The following SGSM2 variants were observed in gnomAD, a reference collection of about 807,000 sequenced individuals.
SGSM2 encodes the protein RUN and TBC1 domain containing 1.
A neutral mutation model predicts 126.6 loss-of-function variants in SGSM2; 89 were observed. That is an observed-to-expected ratio of 0.70 (90% CI 0.59 to 0.84). The LOEUF (loss-of-function observed/expected upper bound fraction) is 0.84. Ranked by LOEUF, SGSM2 falls within the 40% of genes least tolerant of loss-of-function variation. The pLI, the probability that SGSM2 is intolerant of heterozygous loss-of-function variation, is 0.00. For missense variants in SGSM2, 1,404 were observed against 1,416.6 expected, an observed-to-expected ratio of 0.99 and a Z score of 0.14; for synonymous variants, 614 against 574.3, an observed-to-expected ratio of 1.07 and a Z score of -0.99.
chr17:2,338,589 A>G (rs887450634), intron 1 of SGSM2, among the ~76,000 whole-genome samples: 2 of 152,034 alleles, frequency 1.3e-5, no homozygotes, highest in Non-Finnish European at 2.9e-5. Flanking sequence ...CCACCAGGGC[A>G]GGAGACCCTC....
Position 2,363,353 on chromosome 17 carries a change from C to G in SGSM2, c.673-112C>G. The stretch of plus-strand genomic sequence containing the variant: ...GAGGGTGGCTGGGAGTAAACCGGGG[C>G]AGGAAGGACCCCTGGGGTCAGCTGG... On this transcript the variant is annotated intron_variant, in intron 6 of 23. Coordinates refer to ENST00000268989, the MANE Select transcript of SGSM2 (RefSeq NM_014853.3). The surrounding 1 kb of genome is among the most constrained non-coding windows in gnomAD (Gnocchi z 4.2). The G allele has an allele frequency of 6.6e-7, 1 of 1,516,032 alleles. No individual in the cohort carries two copies. 93.9% of individuals were successfully genotyped at this position (1,516,032 alleles called of 1,614,324 possible).
Position 2,363,897 on chromosome 17 carries a change from C to G in SGSM2, c.808-162C>G, listed in dbSNP as rs1057197161. 2.3e-6 allele frequency: 2 copies of G among 879,238 alleles called. No individual in the cohort carries two copies. The highest frequency in any genetic ancestry group is 1.7e-6 in the Non-Finnish European group (1 of 576,566). 54.5% of individuals were successfully genotyped at this position (879,238 alleles called of 1,614,324 possible). A position where few individuals can be genotyped will look rare whatever the true frequency, so the allele number is the denominator to read the frequency against. On this transcript the variant is annotated intron_variant, in intron 7 of 23. Coordinates refer to ENST00000268989, the MANE Select transcript of SGSM2 (RefSeq NM_014853.3). The surrounding 1 kb of genome is among the most constrained non-coding windows in gnomAD (Gnocchi z 4.2). ...AGTGGCACCAGGCTGACCAGGGAAA[C>G]TGAGTCCTGTTTTCCTGTGCTTCTG... is the stretch of plus-strand genomic sequence containing the variant.
chr17:2,362,357 A>G lies in SGSM2; in HGVS notation c.458+87A>G, dbSNP rs1158391280. On this transcript the variant is annotated intron_variant, in intron 4 of 23. Coordinates refer to ENST00000268989, the MANE Select transcript of SGSM2 (RefSeq NM_014853.3). This position sits in a 1 kb window ranked among gnomAD's most constrained non-coding sequence, Gnocchi z 4.9. ...GACCGCCCCGTTCCCCAAAAACTGC[A>G]GGTGACCGCCCCGTTCCCCAAAAAC... 1 of 1,398,642 alleles carries G rather than the reference A, an allele frequency of 7.1e-7. No homozygotes were observed. Among genetic ancestry groups the G allele is most frequent in the South Asian group, 1.4e-5 (1 of 73,784 alleles). The allele number at this position is 1,398,642 out of a possible 1,614,324, so 86.6% of individuals were successfully genotyped here. A position where few individuals can be genotyped will look rare whatever the true frequency, so the allele number is the denominator to read the frequency against.
At chr17:2,376,619 G>C (rs565933989) in intron 19 of SGSM2, 114 bp from the exon 20 acceptor site, 240 of 1,135,700 alleles carry the variant, frequency 2.1e-4, no homozygotes, top group Non-Finnish European at 1.9e-4. Flanking sequence ...ATGCCTTAGG[G>C]TCGTGGAAAG....
At chr17:2,342,473 G>A (rs1442353716) in intron 1 of SGSM2, among the ~76,000 whole-genome samples, 1 of 151,964 alleles carries the variant, frequency 6.6e-6, no homozygotes, top group African/African-American at 2.4e-5. Flanking sequence ...CTGTCGTGTT[G>A]GAATCAGGAG....
At chr17:2,371,924 C>T (rs2065889871) in intron 13 of SGSM2, 1 of 521,772 alleles carries the variant, frequency 1.9e-6, no homozygotes, top group Admixed American at 3.5e-5. Context: ...CTCCATTTTT[C>T]ACATGAGGAA....
intron 20 of SGSM2, 43 bp from the exon 21 acceptor site, chr17:2,376,916 C>T (rs768052040): frequency 1.1e-5 from 18 of 1,601,126 alleles, no homozygotes; most frequent in Admixed American, 6.7e-5. Flanking sequence ...GCTCTGTCCC[C>T]TGCGTCTCCT....
intron 13 of SGSM2, 79 bp downstream of exon 13, chr17:2,371,494 G>A (rs2065870211): frequency 6.7e-7 from 1 of 1,486,308 alleles, no homozygotes; most frequent in Non-Finnish European, 9.0e-7. Context: ...TAAAGGCCGT[G>A]TCACCTGCAC....
rs1040859724 is a variant in SGSM2 at position 2,367,149 on chromosome 17, C to T, written c.1289-122C>T. ...GCTTTCTGGTCCCCTCCCTTCCCCT[C>T]TTCTGTGCCCTGCAGATTCACGATG... On this transcript the variant is annotated intron_variant, in intron 11 of 23. Transcript: ENST00000268989. The surrounding 1 kb of genome is among the most constrained non-coding windows in gnomAD (Gnocchi z 4.0). 2.5e-6 allele frequency: 3 copies of T among 1,176,502 alleles called. No individual in the cohort carries two copies. Among genetic ancestry groups the T allele is most frequent in the Non-Finnish European group, 3.5e-6 (3 of 854,494 alleles). 72.9% of individuals were successfully genotyped at this position (1,176,502 alleles called of 1,614,324 possible). A position where few individuals can be genotyped will look rare whatever the true frequency, so the allele number is the denominator to read the frequency against.
intron 2 of SGSM2, among the ~76,000 whole-genome samples, chr17:2,359,909 G>A (rs1311918873): frequency 1.3e-5 from 2 of 152,152 alleles, no homozygotes; most frequent in Admixed American, 6.5e-5. Context: ...CCACAGGCAC[G>A]GAATTGTAGC....
Position 2,379,916 on chromosome 17 carries a change from G to C in SGSM2, c.*396G>C. 2 of 1,302,016 alleles carry C rather than the reference G, an allele frequency of 1.5e-6. No homozygotes were observed. Among genetic ancestry groups the C allele is most frequent in the Non-Finnish European group, 2.0e-6 (2 of 1,020,870 alleles). The allele number at this position is 1,302,016 out of a possible 1,614,324, so 80.7% of individuals were successfully genotyped here. A position where few individuals can be genotyped will look rare whatever the true frequency, so the allele number is the denominator to read the frequency against. ...GGCCCTACTCAGCTGGGGTGGCAGA[G>C]GGCGAGAGGCTCTGTGCTGTGTCCC... On this transcript the variant is annotated 3_prime_UTR_variant, in exon 24 of 24. Transcript: ENST00000268989.
At chr17:2,361,892 C>T in intron 3 of SGSM2, 93 bp downstream of exon 3, 1 of 1,469,482 alleles carries the variant, frequency 6.8e-7, no homozygotes, top group Non-Finnish European at 9.1e-7. Flanking sequence ...AGTTGGCATC[C>T]TGGGCCTGTT....
Position 2,377,014 on chromosome 17 carries a change from C to T in SGSM2, c.2748C>T (p.Phe916=), listed in dbSNP as rs944981050. Reference sequence around the variant, plus strand: ...TCATGAAGAGGATGAGCCAGAACTTCCCCAACGGGGGTGCCATGGACACCC... The same window carrying T: ...TCATGAAGAGGATGAGCCAGAACTTTCCCAACGGGGGTGCCATGGACACCC... The part of the protein sequence containing the change: ...SHLMKRMSQN[F]PNGGAMDTHF... Residue 916 remains phenylalanine (F), a synonymous_variant, in exon 21 of 24, where the codon TTC becomes TTT. Transcript: ENST00000268989. 6.2e-7 allele frequency: 1 copy of T among 1,613,802 alleles called. No homozygotes were observed. The highest frequency in any genetic ancestry group is 1.3e-5 in the African/African-American group (1 of 74,934).
chr17:2,367,199 T>C lies in SGSM2; in HGVS notation c.1289-72T>C. 1 of 1,510,026 alleles carries C rather than the reference T, an allele frequency of 6.6e-7. No homozygotes were observed. Among genetic ancestry groups the C allele is most frequent in the Non-Finnish European group, 8.9e-7 (1 of 1,121,270 alleles). The allele number at this position is 1,510,026 out of a possible 1,614,324, so 93.5% of individuals were successfully genotyped here. A position where few individuals can be genotyped will look rare whatever the true frequency, so the allele number is the denominator to read the frequency against. ...GACCCCGGCCTCCATTCCACTCCCC[T>C]TAAGGAGGGAGTCCGTCCTGCCCAG... is the stretch of plus-strand genomic sequence containing the variant. On this transcript the variant is annotated intron_variant, in intron 11 of 23. Transcript: ENST00000268989. This position sits in a 1 kb window ranked among gnomAD's most constrained non-coding sequence, Gnocchi z 4.0.
At chr17:2,378,734 A>G (rs1482631860) in intron 22 of SGSM2, among the ~76,000 whole-genome samples, 2 of 152,138 alleles carry the variant, frequency 1.3e-5, no homozygotes, top group Non-Finnish European at 2.9e-5. Context: ...GTCTGCAGGA[A>G]CCCAGTGTGC....
chr17:2,363,836 T>C lies in SGSM2; in HGVS notation c.808-223T>C. 2.6e-6 allele frequency: 2 copies of C among 782,190 alleles called. No homozygotes were observed. The highest frequency in any genetic ancestry group is 4.0e-6 in the Non-Finnish European group (2 of 499,196). 48.5% of individuals were successfully genotyped at this position (782,190 alleles called of 1,614,324 possible). ...CAGTGTGGGTATGGCTGGCCTGGAATGGACCTGGCATCCAGGAGGCTGGCA... is the reference window on the plus strand; with the variant it reads ...CAGTGTGGGTATGGCTGGCCTGGAACGGACCTGGCATCCAGGAGGCTGGCA... On this transcript the variant is annotated intron_variant, in intron 7 of 23. Coordinates refer to ENST00000268989, the MANE Select transcript of SGSM2 (RefSeq NM_014853.3). The surrounding 1 kb of genome is among the most constrained non-coding windows in gnomAD (Gnocchi z 4.2).
intron 10 of SGSM2, 48 bp from the exon 11 acceptor site, chr17:2,365,167 A>T (rs1197968259): frequency 6.3e-7 from 1 of 1,589,948 alleles, no homozygotes; most frequent in East Asian, 2.3e-5. Context: ...GGAACCCTGG[A>T]TGAGACTCTG....
rs762168555 is a variant in SGSM2, at chr17:2,367,306, G to A, written c.1324G>A (p.Ala442Thr). The change falls in exon 12 of 24, where the codon GCG becomes ACG. Residue 442 changes from alanine (A) to threonine (T), a missense_variant. Physicochemically the swap from Ala to Thr is moderately conservative, Grantham distance 58. Transcript: ENST00000268989. This position sits in a 1 kb window ranked among gnomAD's most constrained non-coding sequence, Gnocchi z 4.0. ...INYHHLAASRAASVDDDEEEE... is the reference protein window; with the variant it reads ...INYHHLAASRTASVDDDEEEE... The stretch of plus-strand genomic sequence containing the variant: ...CTACCACCACCTAGCGGCCAGCCGC[G>A]CGGCCTCGGTGGACGATGATGAGGA... 9.9e-6 allele frequency: 16 copies of A among 1,614,048 alleles called. 1 individual carries two copies. The highest frequency in any genetic ancestry group is 1.6e-4 in the Middle Eastern group (1 of 6,062).
rs2065666547 is a variant in SGSM2, at chr17:2,367,840, C to T, written c.1423+435C>T. Among the ~76,000 whole-genome samples the T allele has an allele frequency of 6.6e-6, 1 of 152,152 alleles. No individual in the cohort carries two copies. Among genetic ancestry groups the T allele is most frequent in the Admixed American group, 6.5e-5 (1 of 15,272 alleles). ...AGAAACAGGATGGAGGTACCGGGTC[C>T]TTCCTGGGGCAGGGGCAGCAGCTGT... On this transcript the variant is annotated intron_variant, in intron 12 of 23. Transcript: ENST00000268989. The surrounding 1 kb of genome is among the most constrained non-coding windows in gnomAD (Gnocchi z 4.0).
Sources: gnomAD v4.1 joint callset for allele counts (sites outside exome capture counted in the v4.1 genomes callset) on GRCh38, gnomAD v4.1.1 for gene constraint, Gnocchi (gnomAD v3.1) non-coding constraint, MANE v1.5 for transcripts, NCBI Gene and HGNC (gene_info 2026-07-23, HGNC 2026-07-21) for gene names.